AVL9: variants seen among roughly 807,000 people sequenced by gnomAD.
AVL9 encodes late secretory pathway protein AVL9 homolog.
Under a neutral mutation model 79.2 loss-of-function variants are expected in AVL9, and 49 were observed. That is an observed-to-expected ratio of 0.62 (90% CI 0.49 to 0.79). The LOEUF is 0.79. Ranked by LOEUF, AVL9 falls within the 30% of genes least tolerant of loss-of-function variation. AVL9 has a pLI of 0.00. For missense variants in AVL9, 682 were observed against 776.8 expected (o/e 0.88, Z 1.45); for synonymous variants, 299 against 280.6 (o/e 1.07, Z -0.65).
At chr7:32,576,761 G>A (rs1791121140) in intron 13 of AVL9, among the ~76,000 whole-genome samples, 1 of 152,060 alleles carries the variant, frequency 6.6e-6, no homozygotes, top group South Asian at 2.1e-4. Context: ...ACTGCAGCCT[G>A]GGTAACAAGA....
intron 8 of AVL9, among the ~76,000 whole-genome samples, chr7:32,557,172 A>T (rs1413377732): frequency 6.6e-6 from 1 of 152,092 alleles, no homozygotes; most frequent in Non-Finnish European, 1.5e-5. Flanking sequence ...CCCAGATATG[A>T]TAATGTCCTT....
Position 32,588,404 on chromosome 7 carries a change from G to GC in AVL9, c.*4498dup, listed in dbSNP as rs1020011398. Reference sequence around the variant, plus strand: ...ACATTGGATTAATGAGTTGGTGAAGGCATTTAGTGGTTACAAAAACAGTTT... The same window carrying GC: ...ACATTGGATTAATGAGTTGGTGAAGGCCATTTAGTGGTTACAAAAACAGTTT... On this transcript the variant is annotated 3_prime_UTR_variant, in exon 16 of 16. Coordinates refer to ENST00000318709, the MANE Select transcript of AVL9 (RefSeq NM_015060.3). 2.6e-5 allele frequency: 4 copies of GC among 152,142 alleles called. No homozygotes were observed. The highest frequency in any genetic ancestry group is 4.4e-5 in the Non-Finnish European group (3 of 68,022). 9.4% of individuals were successfully genotyped at this position (152,142 alleles called of 1,614,324 possible).
At chr7:32,567,585 T>C (rs895346671) in intron 10 of AVL9, among the ~76,000 whole-genome samples, 1 of 152,200 alleles carries the variant, frequency 6.6e-6, no homozygotes, top group Non-Finnish European at 1.5e-5. Flanking sequence ...CACTGTCTTA[T>C]GTTTGTTTTC....
rs3079798 is a variant in AVL9, at chr7:32,549,211, TTA to T, written c.372+310_372+311del. Reference sequence around the variant, plus strand: ...TGGTTTTGTCCAAAAAAAAAAAATTTTATATATATATATATATAATTTTTTTT... The same window carrying T: ...TGGTTTTGTCCAAAAAAAAAAAATTTTATATATATATATATAATTTTTTTT... On this transcript the variant is annotated intron_variant, in intron 4 of 15. Transcript: ENST00000318709. Among the ~76,000 whole-genome samples, 1,231 of 142,400 alleles carry T rather than the reference TTA, an allele frequency of 8.6e-3. 13 individuals carry two copies. Among genetic ancestry groups the T allele is most frequent in the African/African-American group, 0.028 (1,066 of 38,590 alleles). The allele number at this position is 142,400 out of a possible 152,430, so 93.4% of individuals were successfully genotyped here.
At chr7:32,576,250 T>G (rs1791093697) in intron 13 of AVL9, among the ~76,000 whole-genome samples, 178 bp downstream of exon 13, 1 of 152,186 alleles carries the variant, frequency 6.6e-6, no homozygotes, top group Admixed American at 6.5e-5. Context: ...CATATTCAGA[T>G]TGTTATACAA....
intron 1 of AVL9, among the ~76,000 whole-genome samples, chr7:32,542,453 C>T (rs1453418161): frequency 4.0e-5 from 6 of 150,890 alleles, no homozygotes; most frequent in South Asian, 2.1e-4. Flanking sequence ...CTACTCAGGA[C>T]GCTGAGGCAG....
At chr7:32,579,545 ATATATTATATAT>A (rs1778187627) in intron 13 of AVL9, among the ~76,000 whole-genome samples, 1 of 4,662 alleles carries the variant, frequency 2.1e-4, no homozygotes, top group African/African-American at 9.1e-4. Flanking sequence ...ATTATATATT[ATATATTATATAT>A]TATATTATAT....
At chr7:32,574,044 T>C (rs1241781057) in intron 12 of AVL9, among the ~76,000 whole-genome samples, 1 of 152,228 alleles carries the variant, frequency 6.6e-6, no homozygotes, top group Non-Finnish European at 1.5e-5. Context: ...CTTTTCACCT[T>C]GGACATTTGG....
Position 32,553,721 on chromosome 7 carries a change from T to G in AVL9, c.530-6T>G. The G allele has an allele frequency of 6.2e-7, 1 of 1,609,244 alleles. No individual in the cohort carries two copies. The highest frequency in any genetic ancestry group is 8.5e-7 in the Non-Finnish European group (1 of 1,176,388). On this transcript the variant is annotated splice_polypyrimidine_tract_variant and splice_region_variant and intron_variant, in intron 6 of 15. Transcript: ENST00000318709. The stretch of plus-strand genomic sequence containing the variant: ...TCACACTTGAGCTTTTTTGTTAACA[T>G]TGTAGGTCTGTCACCTCGAGATCTT...
intron 1 of AVL9, chr7:32,535,869 A>G (rs1050885895): frequency 4.6e-5 from 7 of 152,080 alleles, no homozygotes; most frequent in African/African-American, 1.4e-4. Flanking sequence ...TCCCCCATGC[A>G]TTTCTCTTGA....
chr7:32,505,326 C>A (rs1471151620), intron 1 of AVL9, among the ~76,000 whole-genome samples: 1 of 151,548 alleles, frequency 6.6e-6, no homozygotes, highest in Non-Finnish European at 1.5e-5. Context: ...GAGTTTGAGA[C>A]CAGCCTGGCC....
At chr7:32,505,199 A>G (rs1787352359) in intron 1 of AVL9, among the ~76,000 whole-genome samples, 1 of 151,798 alleles carries the variant, frequency 6.6e-6, no homozygotes, top group Non-Finnish European at 1.5e-5. Context: ...ATACTTCGTA[A>G]TATATATCAA....
Position 32,543,128 on chromosome 7 carries a change from C to A in AVL9, c.94-13C>A. On this transcript the variant is annotated splice_polypyrimidine_tract_variant and intron_variant, in intron 1 of 15. Coordinates refer to ENST00000318709, the MANE Select transcript of AVL9 (RefSeq NM_015060.3). ...GTCAACCACCTTTTGGCTAACATTC[C>A]TTACTATTTTAGGTTGAATTCTCTT... 6.2e-7 allele frequency: 1 copy of A among 1,612,766 alleles called. No homozygotes were observed. Among genetic ancestry groups the A allele is most frequent in the Non-Finnish European group, 8.5e-7 (1 of 1,179,688 alleles).
Position 32,573,237 on chromosome 7 carries a change from C to CA in AVL9, c.1390dup (p.Arg464LysfsTer5). ...TGATCCAGATCCATGATCCAGAACT[C>CA]AGGAAGCTGCTTAACCCAACCACTG... On this transcript the variant is annotated frameshift_variant, in exon 12 of 16. Transcript: ENST00000318709. LOFTEE classifies it high-confidence loss of function. 1 of 1,614,018 alleles carries CA rather than the reference C, an allele frequency of 6.2e-7. No individual in the cohort carries two copies. Among genetic ancestry groups the CA allele is most frequent in the South Asian group, 1.1e-5 (1 of 91,074 alleles).
chr7:32,545,352 T>C (rs1337176001), intron 3 of AVL9, among the ~76,000 whole-genome samples: 1 of 147,038 alleles, frequency 6.8e-6, no homozygotes, highest in Admixed American at 7.1e-5. Context: ...GTCCTATTTA[T>C]CTCTAAGATT....
chr7:32,571,902 G>A (rs997324521), intron 11 of AVL9, among the ~76,000 whole-genome samples: 10 of 151,972 alleles, frequency 6.6e-5, no homozygotes, highest in Admixed American at 5.9e-4. Context: ...AGTGGCTCAC[G>A]CCTGTAATCC....
chr7:32,577,203 T>C (rs6959909), intron 13 of AVL9, among the ~76,000 whole-genome samples: 127,456 of 152,032 alleles, frequency 0.84, 53,472 homozygotes, highest in Middle Eastern at 0.88. Context: ...GGCGTGGTGG[T>C]GGGTGCCTAT....
chr7:32,567,741 T>G (rs1188071711), intron 10 of AVL9, among the ~76,000 whole-genome samples: 1 of 151,666 alleles, frequency 6.6e-6, no homozygotes, highest in Admixed American at 6.6e-5. Context: ...TGAGACAGAG[T>G]TTTGCCCTTG....
chr7:32,576,103 A>G lies in AVL9; in HGVS notation c.1688+31A>G, dbSNP rs760726310. Reference sequence around the variant, plus strand: ...CGCGTCCTCTGAAGATTGATAGTACATAAATGGTTGGTTTACGAGTGCCCA... The same window carrying G: ...CGCGTCCTCTGAAGATTGATAGTACGTAAATGGTTGGTTTACGAGTGCCCA... On this transcript the variant is annotated intron_variant, in intron 13 of 15. Coordinates refer to ENST00000318709, the MANE Select transcript of AVL9 (RefSeq NM_015060.3). The G allele has an allele frequency of 8.1e-6, 12 of 1,480,498 alleles. No individual in the cohort carries two copies. In the South Asian group the frequency reaches 1.4e-4, roughly 17 times the overall value. The allele number at this position is 1,480,498 out of a possible 1,614,324, so 91.7% of individuals were successfully genotyped here.
Sources: allele counts gnomAD v4.1 joint callset (sites outside exome capture counted in the v4.1 genomes callset), GRCh38; gene constraint gnomAD v4.1.1; transcripts MANE v1.5; gene names NCBI Gene and HGNC (gene_info 2026-07-23, HGNC 2026-07-21).